EPHA5: variants seen among roughly 807,000 people sequenced by gnomAD.
EPHA5 encodes ephrin type-A receptor 5.
EPHA5 carries 60 observed loss-of-function variants against 105.0 expected under a neutral mutation model. The ratio of observed to expected loss-of-function variants is 0.57; its 90% CI spans 0.46 to 0.71. The LOEUF is 0.71. Among genes scored for constraint, EPHA5 ranks in the 30% least tolerant of loss-of-function variants. The pLI, the probability that EPHA5 is intolerant of heterozygous loss-of-function variation, is 0.00. For synonymous variants in EPHA5, 513 were observed against 449.1 expected, an observed-to-expected ratio of 1.14 and a Z score of -1.80; for missense variants, 1,218 against 1,274.7, an observed-to-expected ratio of 0.96 and a Z score of 0.68.
chr4:65,450,964 C>T (rs543249296), intron 5 of EPHA5, among the ~76,000 whole-genome samples: 18 of 152,228 alleles, frequency 1.2e-4, no homozygotes, highest in South Asian at 6.2e-4. Flanking sequence ...AGGGTATTCA[C>T]GCACAAGAGG....
At chr4:65,446,836 A>G (rs1288954180) in intron 5 of EPHA5, among the ~76,000 whole-genome samples, 3 of 152,210 alleles carry the variant, frequency 2.0e-5, no homozygotes, top group Non-Finnish European at 4.4e-5. Context: ...ACATCAAGTA[A>G]TAACAAAAGC....
rs55983743 is a variant in EPHA5, at chr4:65,602,014, G to A, written c.537C>T (p.Ala179=). The A allele has an allele frequency of 2.2e-3, 3,600 of 1,613,924 alleles. 64 individuals are homozygous for A. In the African/African-American group the frequency reaches 0.041, roughly 18 times the overall value. The change falls in exon 3 of 17, where the codon GCC becomes GCT. Residue 179 remains alanine (A), a synonymous_variant. Transcript: ENST00000613740. ...GATCAAGTTCTGTAAAGCTTTCATC[G>A]GCAGCAATGGTATCAATTTTGATGT... ...NQYIKIDTIA[A]DESFTELDLG...
intron 8 of EPHA5, among the ~76,000 whole-genome samples, chr4:65,392,234 A>C (rs1175782737): frequency 6.6e-6 from 1 of 152,118 alleles, no homozygotes; most frequent in African/African-American, 2.4e-5. Context: ...TCATGGGAAA[A>C]TAGAAGAGAT....
At chr4:65,649,876 T>C (rs1270401002) in intron 1 of EPHA5, among the ~76,000 whole-genome samples, 1 of 152,210 alleles carries the variant, frequency 6.6e-6, no homozygotes, top group East Asian at 1.9e-4. Flanking sequence ...CTTACCTCTC[T>C]AGCTACTTCT....
At chr4:65,491,434 A>G (rs1016864409) in intron 4 of EPHA5, among the ~76,000 whole-genome samples, 52 of 152,136 alleles carry the variant, frequency 3.4e-4, no homozygotes, top group African/African-American at 1.3e-3. Context: ...GGACTACAAT[A>G]GGATGAATAA....
Position 65,376,187 on chromosome 4 carries a change from A to G in EPHA5, c.1794-8763T>C, listed in dbSNP as rs373999901. 5.1e-3 allele frequency among the ~76,000 whole-genome samples: 778 copies of G among 152,090 alleles called. 9 individuals are homozygous for G. The highest frequency in any genetic ancestry group is 0.018 in the African/African-American group (745 of 41,536). On this transcript the variant is annotated intron_variant, in intron 8 of 16. Coordinates refer to ENST00000613740, the MANE Select transcript of EPHA5 (RefSeq NM_001281766.3). ...CCCCTAGGAAACTCTATAGTCCTCT[A>G]ACATGCATTAGAAATCTTTTCTTGG...
intron 3 of EPHA5, among the ~76,000 whole-genome samples, chr4:65,506,192 T>A (rs1390033910): frequency 1.3e-5 from 2 of 152,166 alleles, no homozygotes; most frequent in African/African-American, 2.4e-5. Context: ...TCCTTTTTTA[T>A]GGCTGCATAG....
chr4:65,552,255 G>C (rs760667343), intron 3 of EPHA5, among the ~76,000 whole-genome samples: 6 of 152,116 alleles, frequency 3.9e-5, no homozygotes, highest in African/African-American at 7.2e-5. Flanking sequence ...TGGATTCCTG[G>C]AGCTTGACCA....
chr4:65,645,354 G>C (rs1748026809), intron 1 of EPHA5, among the ~76,000 whole-genome samples: 1 of 152,050 alleles, frequency 6.6e-6, no homozygotes, highest in Admixed American at 6.6e-5. Flanking sequence ...GCATATCTGT[G>C]TAGATGAGAC....
chr4:65,541,177 T>A (rs932687955), intron 3 of EPHA5, among the ~76,000 whole-genome samples: 14 of 151,546 alleles, frequency 9.2e-5, no homozygotes, highest in Admixed American at 7.3e-4. Flanking sequence ...AGTGACATTA[T>A]GAATAAATGG....
intron 3 of EPHA5, chr4:65,573,748 G>C: frequency 6.2e-7 from 1 of 1,608,748 alleles, no homozygotes; most frequent in Non-Finnish European, 8.5e-7. Flanking sequence ...AAACCAGTTG[G>C]TGGTGACAAG....
chr4:65,530,090 T>A (rs1049831718), intron 3 of EPHA5, among the ~76,000 whole-genome samples: 3 of 152,092 alleles, frequency 2.0e-5, no homozygotes, highest in Non-Finnish European at 4.4e-5. Flanking sequence ...ATAATCTAGC[T>A]GGGGAAAATC....
chr4:65,581,336 T>C (rs1488814453), intron 3 of EPHA5, among the ~76,000 whole-genome samples: 3 of 151,896 alleles, frequency 2.0e-5, no homozygotes, highest in East Asian at 1.9e-4. Context: ...GTTTTTTTGT[T>C]CTTGTTAATC....
At chr4:65,367,242 A>AC in intron 9 of EPHA5, 115 bp downstream of exon 9, 2 of 892,780 alleles carry the variant, frequency 2.2e-6, no homozygotes, top group Admixed American at 5.5e-5. Context: ...CTTTTAAAAA[A>AC]AAAAAAAACA....
chr4:65,367,770 C>T (rs112106505), intron 8 of EPHA5, among the ~76,000 whole-genome samples: 35 of 152,100 alleles, frequency 2.3e-4, no homozygotes, highest in African/African-American at 7.9e-4. Flanking sequence ...GCCACTGCCT[C>T]TTTCTGAATG....
chr4:65,522,241 C>T (rs1486893526), intron 3 of EPHA5, among the ~76,000 whole-genome samples: 1 of 150,750 alleles, frequency 6.6e-6, no homozygotes, highest in African/African-American at 2.5e-5. Context: ...CTGCTTCTTC[C>T]CTAGTCTGTT....
chr4:65,456,396 G>A (rs905423199), intron 5 of EPHA5, among the ~76,000 whole-genome samples: 7 of 151,716 alleles, frequency 4.6e-5, no homozygotes, highest in African/African-American at 1.7e-4. Flanking sequence ...AGCATTCTAA[G>A]CATAATGTAG....
intron 1 of EPHA5, among the ~76,000 whole-genome samples, chr4:65,647,005 T>C (rs1748165348): frequency 1.3e-5 from 2 of 151,754 alleles, no homozygotes; most frequent in African/African-American, 4.8e-5. Context: ...TCCCTACTAG[T>C]AAAACAAAAA....
intron 2 of EPHA5, among the ~76,000 whole-genome samples, chr4:65,632,958 G>T (rs2149494076): frequency 6.6e-6 from 1 of 152,074 alleles, no homozygotes; most frequent in Admixed American, 6.6e-5. Context: ...TGAATCATTT[G>T]TAGAGTTAAG....
Sources: gnomAD v4.1 joint callset for allele counts (sites outside exome capture counted in the v4.1 genomes callset) on GRCh38, gnomAD v4.1.1 for gene constraint, MANE v1.5 for transcripts, NCBI Gene and HGNC (gene_info 2026-07-23, HGNC 2026-07-21) for gene names.